The following WDR70 variants were observed in gnomAD, a reference collection of about 807,000 sequenced individuals.
WDR70 encodes WD repeat-containing protein 70.
WDR70 carries 53 observed loss-of-function variants against 88.6 expected under a neutral mutation model. That is an observed-to-expected ratio of 0.60 (90% confidence interval 0.48 to 0.75). The LOEUF (loss-of-function observed/expected upper bound fraction) is 0.75, where lower values mean the gene tolerates loss of function less well. Among genes scored for constraint, WDR70 ranks in the 30% least tolerant of loss-of-function variants. The probability of loss-of-function intolerance (pLI) is 0.00; values close to 1 mark genes in which losing one functional copy is unlikely to be tolerated. For synonymous variants in WDR70, 280 were observed against 270.0 expected (o/e 1.04, Z -0.36); for missense variants, 610 against 823.2 (o/e 0.74, Z 3.17).
At chr5:37,588,358 A>G (rs1554278) in intron 9 of WDR70, among the ~76,000 whole-genome samples, 71,197 of 151,954 alleles carry the variant, frequency 0.47, 18,269 homozygotes, top group Non-Finnish European at 0.58. Flanking sequence ...ATCTACACCC[A>G]AGGGTGTTAT....
At position 37,517,369 on chromosome 5, in the gene WDR70, A is replaced by ATT. The variant is rs34483969; in HGVS notation, c.917+793_917+794dup. On this transcript the variant is annotated intron_variant, in intron 9 of 17. Transcript: ENST00000265107. ...TTAATTAAATTTCCTTGGTTATTAAATTTTTTTTTTTTTTTGAGATGGAGT... is the reference window on the plus strand; with the variant it reads ...TTAATTAAATTTCCTTGGTTATTAAATTTTTTTTTTTTTTTTTGAGATGGAGT... Among the ~76,000 whole-genome samples, 239 of 147,200 alleles carry ATT rather than the reference A, an allele frequency of 1.6e-3. 1 individual carries two copies. The highest frequency in any genetic ancestry group is 8.3e-3 in the South Asian group (39 of 4,680).
chr5:37,703,067 G>A lies in WDR70; in HGVS notation c.1396G>A (p.Glu466Lys), dbSNP rs1051639296. 3 of 1,612,012 alleles carry A rather than the reference G, an allele frequency of 1.9e-6. No homozygotes were observed. In the African/African-American group the frequency reaches 4.0e-5, roughly 22 times the overall value. ...FERRTFQRVY[E>K]IDITDASVVR... ...GCGTAGGACTTTCCAAAGGGTGTAT[G>A]AAATAGACATCACAGATGCGGTACG... Residue 466 changes from glutamate (E) to lysine (K), a missense_variant, in exon 13 of 18, where the codon GAA becomes AAA. Around this residue, in one of 4 missense-constraint regions of WDR70, gnomAD observed 254 missense variants for 300.7 expected, o/e 0.84. Transcript: ENST00000265107.
At chr5:37,678,138 A>T (rs1323644387) in intron 10 of WDR70, among the ~76,000 whole-genome samples, 7 of 151,956 alleles carry the variant, frequency 4.6e-5, no homozygotes, top group Non-Finnish European at 8.8e-5. Context: ...TGCACGTGAG[A>T]TGGGTTTCCT....
intron 10 of WDR70, among the ~76,000 whole-genome samples, chr5:37,610,067 G>C (rs1189539528): frequency 6.6e-6 from 1 of 152,128 alleles, no homozygotes; most frequent in Non-Finnish European, 1.5e-5. Context: ...AAGGTGGGCA[G>C]ATTACAAGGT....
At chr5:37,428,889 C>T (rs1750219865) in intron 5 of WDR70, among the ~76,000 whole-genome samples, 1 of 152,326 alleles carries the variant, frequency 6.6e-6, no homozygotes, top group African/African-American at 2.4e-5. Flanking sequence ...ATTCTGCCTC[C>T]TCCATATCCT....
chr5:37,447,576 G>T (rs1182734213), intron 7 of WDR70, among the ~76,000 whole-genome samples: 4 of 152,118 alleles, frequency 2.6e-5, no homozygotes, highest in Non-Finnish European at 5.9e-5. Flanking sequence ...AGAAAATGTT[G>T]CACATATACA....
At chr5:37,530,452 A>G (rs750888063) in intron 9 of WDR70, among the ~76,000 whole-genome samples, 8 of 151,256 alleles carry the variant, frequency 5.3e-5, no homozygotes, top group Admixed American at 1.3e-4. Flanking sequence ...TTCGTTGGCA[A>G]TTTTTTTTAT....
chr5:37,509,167 C>T (rs1740648085), intron 8 of WDR70, among the ~76,000 whole-genome samples: 2 of 151,962 alleles, frequency 1.3e-5, no homozygotes, highest in African/African-American at 4.8e-5. Flanking sequence ...GATTTATTTT[C>T]TCCTACTTGC....
chr5:37,554,266 G>T lies in WDR70; in HGVS notation c.917+37676G>T, dbSNP rs144285430. Among the ~76,000 whole-genome samples the T allele has an allele frequency of 5.9e-5, 9 of 152,226 alleles. No individual in the cohort carries two copies. In the East Asian group the frequency reaches 1.2e-3, roughly 20 times the overall value. ...CTATAAAGAACTGGCTGGCTTTATAGGCTGATGTAATCTTGGTCATAGGCC... is the reference window on the plus strand; with the variant it reads ...CTATAAAGAACTGGCTGGCTTTATATGCTGATGTAATCTTGGTCATAGGCC... On this transcript the variant is annotated intron_variant, in intron 9 of 17. Coordinates refer to ENST00000265107, the MANE Select transcript of WDR70 (RefSeq NM_018034.4).
intron 13 of WDR70, among the ~76,000 whole-genome samples, chr5:37,710,070 G>A (rs1215550951): frequency 6.6e-6 from 1 of 151,824 alleles, no homozygotes; most frequent in Non-Finnish European, 1.5e-5. Context: ...GCACATGAGA[G>A]TAAAGAGGAA....
intron 9 of WDR70, among the ~76,000 whole-genome samples, chr5:37,568,465 A>G (rs771341847): frequency 2.0e-5 from 3 of 152,228 alleles, no homozygotes; most frequent in Non-Finnish European, 2.9e-5. Context: ...ACTCACAGTG[A>G]ATAAACAAGA....
chr5:37,668,018 G>A (rs1218383197), intron 10 of WDR70, among the ~76,000 whole-genome samples: 3 of 152,056 alleles, frequency 2.0e-5, no homozygotes, highest in East Asian at 3.9e-4. Flanking sequence ...CTCTAGTTTC[G>A]CAGGCTTACT....
chr5:37,727,408 A>T lies in WDR70; in HGVS notation c.1877+363A>T, dbSNP rs1748005382. ...TTTGTAGGTCTGTTATTATGAACTC[A>T]CTTTTATTTATAGAGCTGTATATGT... On this transcript the variant is annotated intron_variant, in intron 17 of 17. Coordinates refer to ENST00000265107, the MANE Select transcript of WDR70 (RefSeq NM_018034.4). Among the ~76,000 whole-genome samples the T allele has an allele frequency of 2.0e-5, 3 of 152,122 alleles. No homozygotes were observed. The South Asian group carries it at 6.2e-4, about 32-fold the overall frequency.
chr5:37,594,631 T>C (rs1743646816), intron 9 of WDR70, among the ~76,000 whole-genome samples: 1 of 152,200 alleles, frequency 6.6e-6, no homozygotes. Context: ...ATGCGGGCTC[T>C]TTTTTGGTTG....
chr5:37,595,084 G>A (rs6871844), intron 9 of WDR70, among the ~76,000 whole-genome samples: 70,628 of 151,968 alleles, frequency 0.46, 18,023 homozygotes, highest in Non-Finnish European at 0.58. Flanking sequence ...TGTCATCTGC[G>A]AACAGGGACA....
intron 13 of WDR70, among the ~76,000 whole-genome samples, chr5:37,718,121 A>G (rs1747704439): frequency 6.6e-6 from 1 of 152,152 alleles, no homozygotes; most frequent in Non-Finnish European, 1.5e-5. Context: ...GAGGGTAAAT[A>G]TGCTTCTCTG....
intron 9 of WDR70, among the ~76,000 whole-genome samples, chr5:37,549,180 T>C (rs1235752969): frequency 6.6e-6 from 1 of 152,210 alleles, no homozygotes; most frequent in Non-Finnish European, 1.5e-5. Context: ...AAGAATGTCA[T>C]TGGTATTTCG....
intron 17 of WDR70, among the ~76,000 whole-genome samples, chr5:37,751,080 C>G (rs1748793968): frequency 6.6e-6 from 1 of 152,036 alleles, no homozygotes; most frequent in Non-Finnish European, 1.5e-5. Context: ...TTTTTTTCCC[C>G]CTGAGAAGTT....
intron 10 of WDR70, among the ~76,000 whole-genome samples, chr5:37,675,031 C>T (rs1746157639): frequency 6.6e-6 from 1 of 151,586 alleles, no homozygotes; most frequent in Non-Finnish European, 1.5e-5. Flanking sequence ...TAAATGTCTT[C>T]TTTTGAGAAG....
Sources: gnomAD v4.1 joint callset for allele counts (sites outside exome capture counted in the v4.1 genomes callset) on GRCh38, gnomAD v4.1.1 for gene constraint, gnomAD v4.1.1 regional missense constraint, MANE v1.5 for transcripts, NCBI Gene and HGNC (gene_info 2026-07-23, HGNC 2026-07-21) for gene names.